The following SMC2 variants were observed in gnomAD, a reference collection of about 807,000 sequenced individuals.
The protein encoded by SMC2 is structural maintenance of chromosomes 2.
SMC2 carries 41 observed loss-of-function variants against 142.6 expected under a neutral mutation model. That is an observed-to-expected ratio of 0.29 (90% CI 0.22 to 0.37). The LOEUF is 0.37. Ranked by LOEUF, SMC2 falls within the 10% of genes least tolerant of loss-of-function variation. The pLI is 1.00. For missense variants in SMC2, 1,265 were observed against 1,373.7 expected (o/e 0.92, Z 1.25); for synonymous variants, 463 against 457.5 (o/e 1.01, Z -0.15).
At chr9:104,130,484 C>G (rs1019960589) in intron 21 of SMC2, among the ~76,000 whole-genome samples, 1 of 152,100 alleles carries the variant, frequency 6.6e-6, no homozygotes, top group Admixed American at 6.6e-5. Context: ...CCATACCTTC[C>G]TGAATGCTGG....
chr9:104,109,344 A>G (rs889328814), intron 9 of SMC2, among the ~76,000 whole-genome samples: 1 of 152,174 alleles, frequency 6.6e-6, no homozygotes, highest in Non-Finnish European at 1.5e-5. Context: ...TTAAATATCT[A>G]GATCCAGTCT....
At chr9:104,100,311 C>A in intron 6 of SMC2, 78 bp from the exon 7 acceptor site, 1 of 1,397,210 alleles carries the variant, frequency 7.2e-7, no homozygotes, top group South Asian at 1.2e-5. Flanking sequence ...TTTCCATAGT[C>A]ATCCCTGCTA....
intron 2 of SMC2, 37 bp downstream of exon 2, chr9:104,095,589 T>A: frequency 6.5e-7 from 1 of 1,541,484 alleles, no homozygotes; most frequent in Non-Finnish European, 9.0e-7. Flanking sequence ...TGAATTTAAG[T>A]TGGCAGGAGA....
chr9:104,113,656 T>G (rs1245906384), intron 11 of SMC2, among the ~76,000 whole-genome samples, 181 bp downstream of exon 11: 1 of 152,174 alleles, frequency 6.6e-6, no homozygotes, highest in Non-Finnish European at 1.5e-5. Flanking sequence ...CTCTTGAATT[T>G]TTGAGAACTC....
rs780808034 is a variant in SMC2, at chr9:104,139,345, GT to G, written c.*37del. On this transcript the variant is annotated 3_prime_UTR_variant, in exon 25 of 25. Transcript: ENST00000374793. ...CAAAGTTATTTCTTCATCTTGACCTGTTTTTTTAAATGTAAACTTTTAAGGA... is the reference window on the plus strand; with the variant it reads ...CAAAGTTATTTCTTCATCTTGACCTGTTTTTTAAATGTAAACTTTTAAGGA... The G allele has an allele frequency of 9.3e-5, 142 of 1,533,188 alleles. No individual in the cohort carries two copies. Among genetic ancestry groups the G allele is most frequent in the Non-Finnish European group, 1.2e-4 (133 of 1,147,008 alleles). The allele number at this position is 1,533,188 out of a possible 1,614,324, so 95.0% of individuals were successfully genotyped here. A position where few individuals can be genotyped will look rare whatever the true frequency, so the allele number is the denominator to read the frequency against.
intron 23 of SMC2, 69 bp from the exon 24 acceptor site, chr9:104,137,949 T>A (rs544825606): frequency 8.8e-7 from 1 of 1,135,334 alleles, no homozygotes; most frequent in African/African-American, 1.6e-5. Context: ...TAGGATCACA[T>A]ATTTGCTTCA....
intron 9 of SMC2, among the ~76,000 whole-genome samples, chr9:104,103,285 T>A (rs1831369789): frequency 6.6e-6 from 1 of 151,960 alleles, no homozygotes; most frequent in Non-Finnish European, 1.5e-5. Flanking sequence ...GAGTACCTGA[T>A]TAGATTGTGT....
In SMC2 at chr9:104,127,346, G is replaced by A. The variant is rs1260962545; in HGVS notation, c.2656G>A (p.Asp886Asn). ...TKQKEVITAQ[D>N]TVIKAKYAEV... is the part of the protein sequence containing the mutation. ...GCAAAAAGAGGTGATAACAGCCCAA[G>A]ACACTGTAATTAAAGCTAAATATGC... The change falls in exon 20 of 25, where the codon GAC becomes AAC. Residue 886 changes from aspartate (D) to asparagine (N), a missense_variant. Asp to Asn is a conservative substitution (Grantham distance 23, BLOSUM62 1). Coordinates refer to ENST00000374793, the MANE Select transcript of SMC2 (RefSeq NM_006444.3). The A allele has an allele frequency of 6.2e-7, 1 of 1,613,674 alleles. No homozygotes were observed. Among genetic ancestry groups the A allele is most frequent in the Non-Finnish European group, 8.5e-7 (1 of 1,179,714 alleles).
intron 24 of SMC2, 89 bp from the exon 25 acceptor site, chr9:104,139,050 C>A: frequency 2.6e-6 from 2 of 759,402 alleles, no homozygotes; most frequent in Non-Finnish European, 3.9e-6. Context: ...ATAAAATTAT[C>A]TCCAAACCAT....
Position 104,113,984 on chromosome 9 carries a change from T to G in SMC2, c.1435T>G (p.Leu479Val), listed in dbSNP as rs770827404. Residue 479 changes from leucine to valine, a missense_variant, in exon 12 of 25, where the codon TTG becomes GTG. Leu to Val is a conservative substitution (Grantham distance 32). Around this residue, in one of 4 missense-constraint regions of SMC2, gnomAD observed 898 missense variants for 904.2 expected, o/e 0.99. Transcript: ENST00000374793. ...TTCAGAAAATAAAGAGGAAAGCCTT[T>G]TGGAAAAGCGCAGGCAGCTGTCTCG... ...NYEENKEESL[L>V]EKRRQLSRDI... is the part of the protein sequence containing the mutation. 6.3e-7 allele frequency: 1 copy of G among 1,582,642 alleles called. No homozygotes were observed. Among genetic ancestry groups the G allele is most frequent in the South Asian group, 1.2e-5 (1 of 84,540 alleles).
chr9:104,121,330 A>G (rs193018888), intron 16 of SMC2, among the ~76,000 whole-genome samples: 2 of 151,888 alleles, frequency 1.3e-5, no homozygotes, highest in East Asian at 3.9e-4. Flanking sequence ...CTGTGTCTGT[A>G]AAAAAACACA....
intron 8 of SMC2, 58 bp downstream of exon 8, chr9:104,102,251 A>T: frequency 2.7e-6 from 3 of 1,114,286 alleles, no homozygotes; most frequent in African/African-American, 1.6e-5. Flanking sequence ...ACTAAATTAT[A>T]TATAGTAACT....
intron 22 of SMC2, among the ~76,000 whole-genome samples, chr9:104,132,677 G>A (rs972593607): frequency 1.3e-5 from 2 of 152,044 alleles, no homozygotes; most frequent in East Asian, 1.9e-4. Context: ...TCTATCTTCA[G>A]TAATGCAGCA....
At chr9:104,098,954 C>T (rs1023839484) in intron 4 of SMC2, among the ~76,000 whole-genome samples, 2 of 151,970 alleles carry the variant, frequency 1.3e-5, no homozygotes, top group Non-Finnish European at 2.9e-5. Context: ...GGAGTAAAGG[C>T]TGATTTTATC....
intron 13 of SMC2, 82 bp from the exon 14 acceptor site, chr9:104,116,118 T>G: frequency 8.2e-7 from 1 of 1,226,224 alleles, no homozygotes; most frequent in Non-Finnish European, 1.1e-6. Flanking sequence ...AACATTCATT[T>G]ATTATAGACT....
In SMC2 at chr9:104,138,306, AT is replaced by A. The variant is rs1212173226; in HGVS notation, c.3417+142del. The A allele has an allele frequency of 1.6e-5, 10 of 625,840 alleles. No homozygotes were observed. In the Admixed American group the frequency reaches 1.9e-4, roughly 12 times the overall value. 38.8% of individuals were successfully genotyped at this position (625,840 alleles called of 1,614,324 possible). A position where few individuals can be genotyped will look rare whatever the true frequency, so the allele number is the denominator to read the frequency against. Reference sequence around the variant, plus strand: ...ATTGTATATCTATTTAAATAGACTTATGTTTAAATAGGTATAGAAGGAAAAA... The same window carrying A: ...ATTGTATATCTATTTAAATAGACTTAGTTTAAATAGGTATAGAAGGAAAAA... On this transcript the variant is annotated intron_variant, in intron 24 of 24. Transcript: ENST00000374793.
Position 104,102,292 on chromosome 9 carries a change from A to G in SMC2, c.870+99A>G, listed in dbSNP as rs895982483. The G allele has an allele frequency of 5.3e-5, 57 of 1,067,236 alleles. 1 individual carries two copies. The Admixed American group carries it at 1.2e-3, about 22-fold the overall frequency. 66.1% of individuals were successfully genotyped at this position (1,067,236 alleles called of 1,614,324 possible). Reference sequence around the variant, plus strand: ...GGATTCATTGGGCATTGTCTTCCGTATTGATTTGTTAATCTTATAGTAAGA... The same window carrying G: ...GGATTCATTGGGCATTGTCTTCCGTGTTGATTTGTTAATCTTATAGTAAGA... On this transcript the variant is annotated intron_variant, in intron 8 of 24. Coordinates refer to ENST00000374793, the MANE Select transcript of SMC2 (RefSeq NM_006444.3).
In SMC2 at chr9:104,126,713, G is replaced by A. The variant is rs1587980914; in HGVS notation, c.2524G>A (p.Ala842Thr). The change falls in exon 19 of 25, where the codon GCT (alanine) becomes ACT (threonine). Residue 842 changes from alanine (A) to threonine (T), a missense_variant. By Grantham distance (58) the Ala-to-Thr change is moderately conservative. Around this residue, in one of 4 missense-constraint regions of SMC2, gnomAD observed 898 missense variants for 904.2 expected, o/e 0.99. Transcript: ENST00000374793. The stretch of plus-strand genomic sequence containing the variant: ...TACATCTTACAAACAACAGCTTGAA[G>A]CTGTAAATGAAGCTATCAAATCCTA... ...EHTSYKQQLE[A>T]VNEAIKSYES... 6.2e-7 allele frequency: 1 copy of A among 1,613,096 alleles called. No individual in the cohort carries two copies. Among genetic ancestry groups the A allele is most frequent in the South Asian group, 1.1e-5 (1 of 91,066 alleles).
chr9:104,136,004 TTC>T, intron 23 of SMC2: 1 of 501,156 alleles, frequency 2.0e-6, no homozygotes, highest in South Asian at 1.4e-5. Flanking sequence ...TCAGGGAAGT[TTC>T]TCCTGACCTT....
Sources: allele counts gnomAD v4.1 joint callset (sites outside exome capture counted in the v4.1 genomes callset), GRCh38; gene constraint gnomAD v4.1.1; regional missense constraint gnomAD v4.1.1; transcripts MANE v1.5; gene names NCBI Gene and HGNC (gene_info 2026-07-23, HGNC 2026-07-21).